SHISA6: variants seen among roughly 807,000 people sequenced by gnomAD.
SHISA6 encodes protein shisa-6.
Under a neutral mutation model 47.9 loss-of-function variants are expected in SHISA6, and 22 were observed. The observed-to-expected ratio is 0.46, with a 90% confidence interval of 0.33 to 0.66. The LOEUF is 0.66. SHISA6 is among the 30% of genes least tolerant of loss of function. The pLI, the probability that SHISA6 is intolerant of heterozygous loss-of-function variation, is 0.02. For missense variants in SHISA6, 680 were observed against 764.6 expected (o/e 0.89, Z 1.30); for synonymous variants, 388 against 337.8 (o/e 1.15, Z -1.63).
intron 3 of SHISA6, among the ~76,000 whole-genome samples, chr17:11,395,080 C>T (rs535968550): frequency 2.7e-4 from 40 of 146,598 alleles, no homozygotes; most frequent in African/African-American, 9.9e-4. Flanking sequence ...CGGCTCACTG[C>T]AAGCTCTGCC....
At chr17:11,331,962 G>C (rs754552136) in intron 2 of SHISA6, among the ~76,000 whole-genome samples, 21 of 151,868 alleles carry the variant, frequency 1.4e-4, no homozygotes, top group Non-Finnish European at 2.6e-4. Flanking sequence ...TCACACTGCC[G>C]GTGGAGCGGA....
At chr17:11,534,431 A>G (rs1260365924) in intron 3 of SHISA6, among the ~76,000 whole-genome samples, 1 of 152,122 alleles carries the variant, frequency 6.6e-6, no homozygotes, top group Non-Finnish European at 1.5e-5. Context: ...TATCCACTCA[A>G]TGGATGCATG....
At chr17:11,429,947 G>A (rs1178929638) in intron 3 of SHISA6, among the ~76,000 whole-genome samples, 2 of 151,764 alleles carry the variant, frequency 1.3e-5, no homozygotes, top group East Asian at 1.9e-4. Context: ...CATCAAGATA[G>A]TTACCTACAA....
chr17:11,340,521 C>T (rs1379457292), intron 2 of SHISA6, among the ~76,000 whole-genome samples: 8 of 152,220 alleles, frequency 5.3e-5, no homozygotes, highest in Admixed American at 4.6e-4. Flanking sequence ...ATTGCTTCTG[C>T]TCCATTCTGT....
At chr17:11,367,922 G>T (rs911954163) in intron 2 of SHISA6, among the ~76,000 whole-genome samples, 3 of 152,164 alleles carry the variant, frequency 2.0e-5, no homozygotes, top group Non-Finnish European at 4.4e-5. Context: ...TCTCTTAGGT[G>T]CTTGGGAAGA....
intron 3 of SHISA6, among the ~76,000 whole-genome samples, chr17:11,387,007 C>T (rs1049595717): frequency 6.6e-6 from 1 of 152,170 alleles, no homozygotes; most frequent in South Asian, 2.1e-4. Flanking sequence ...GCATTTTTCA[C>T]GATAACCTGC....
In SHISA6 at chr17:11,270,665, TA is replaced by T. The variant is rs1250928589; in HGVS notation, c.799+7143del. Among the ~76,000 whole-genome samples, 7 of 152,332 alleles carry T rather than the reference TA, an allele frequency of 4.6e-5. No individual in the cohort carries two copies. In the East Asian group the frequency reaches 1.4e-3, roughly 29 times the overall value. Reference sequence around the variant, plus strand: ...GTAAATGAATGGATGCGTGTTTTCATAAAATTTGGACATATGTTTCCATAAA... The same window carrying T: ...GTAAATGAATGGATGCGTGTTTTCATAAATTTGGACATATGTTTCCATAAA... On this transcript the variant is annotated intron_variant, in intron 2 of 5. Transcript: ENST00000441885.
rs1341116432 is a variant in SHISA6, at chr17:11,448,433, G to A, written c.895+68924G>A. ...CTGTAGTCCAAGCTATCAGGAGGCC[G>A]AAGTGGGAGAATGGCTTGAGCCCAA... On this transcript the variant is annotated intron_variant, in intron 3 of 5. Coordinates refer to ENST00000441885, the MANE Select transcript of SHISA6 (RefSeq NM_207386.4). 3.3e-5 allele frequency among the ~76,000 whole-genome samples: 5 copies of A among 151,636 alleles called. No homozygotes were observed. The South Asian group carries it at 6.3e-4, about 19-fold the overall frequency.
intron 2 of SHISA6, among the ~76,000 whole-genome samples, chr17:11,313,454 C>T (rs772185597): frequency 2.6e-4 from 40 of 152,236 alleles, no homozygotes; most frequent in Non-Finnish European, 4.6e-4. Context: ...AAGATGGATT[C>T]TTTTCTCTGT....
intron 3 of SHISA6, among the ~76,000 whole-genome samples, chr17:11,526,925 AT>A (rs1567629853): frequency 3.0e-4 from 8 of 26,552 alleles, no homozygotes; most frequent in African/African-American, 1.4e-3. Context: ...ATATATATAT[AT>A]ATATATATAT....
At chr17:11,311,869 G>A (rs946786206) in intron 2 of SHISA6, among the ~76,000 whole-genome samples, 6 of 151,964 alleles carry the variant, frequency 3.9e-5, no homozygotes, top group East Asian at 1.9e-4. Context: ...TCCGTCTGCC[G>A]GGTTCAAGCG....
At chr17:11,531,211 C>G (rs957019383) in intron 3 of SHISA6, among the ~76,000 whole-genome samples, 8 of 133,976 alleles carry the variant, frequency 6.0e-5, no homozygotes, top group Admixed American at 3.0e-4. Context: ...GGTTACTACT[C>G]TGTGTGTGTG....
intron 2 of SHISA6, among the ~76,000 whole-genome samples, chr17:11,326,146 C>G (rs897379078): frequency 6.6e-6 from 1 of 152,172 alleles, no homozygotes; most frequent in African/African-American, 2.4e-5. Context: ...TGGCATGCAC[C>G]TGTAGTCCCA....
chr17:11,341,464 T>C (rs937215828), intron 2 of SHISA6, among the ~76,000 whole-genome samples: 49 of 151,582 alleles, frequency 3.2e-4, no homozygotes, highest in African/African-American at 1.2e-3. Flanking sequence ...CCTCCTGAGT[T>C]GGTGGGATTA....
At chr17:11,483,159 G>A (rs1459708044) in intron 3 of SHISA6, among the ~76,000 whole-genome samples, 2 of 152,052 alleles carry the variant, frequency 1.3e-5, no homozygotes, top group African/African-American at 4.8e-5. Context: ...AAATTAGCTG[G>A]GTGTGGTGGC....
At chr17:11,295,498 A>G (rs768773088) in intron 2 of SHISA6, among the ~76,000 whole-genome samples, 2 of 152,204 alleles carry the variant, frequency 1.3e-5, no homozygotes, top group Non-Finnish European at 1.5e-5. Context: ...TGTAAGCTCT[A>G]TAAAGGAAAT....
intron 3 of SHISA6, among the ~76,000 whole-genome samples, chr17:11,435,241 T>A (rs1376472554): frequency 6.6e-6 from 1 of 152,172 alleles, no homozygotes; most frequent in East Asian, 1.9e-4. Context: ...ACTTAAAGAT[T>A]ATTAACTTTT....
At chr17:11,399,014 G>C (rs949826787) in intron 3 of SHISA6, among the ~76,000 whole-genome samples, 1 of 151,874 alleles carries the variant, frequency 6.6e-6, no homozygotes, top group Admixed American at 6.6e-5. Flanking sequence ...GGAGTGGAAA[G>C]ATCACTTGCT....
chr17:11,392,642 C>T (rs552293518), intron 3 of SHISA6, among the ~76,000 whole-genome samples: 2 of 152,292 alleles, frequency 1.3e-5, no homozygotes, highest in East Asian at 1.9e-4. Flanking sequence ...CCACCAGAAT[C>T]GTGAGCGAAA....
Sources: gnomAD v4.1 joint callset for allele counts (sites outside exome capture counted in the v4.1 genomes callset) on GRCh38, gnomAD v4.1.1 for gene constraint, MANE v1.5 for transcripts, NCBI Gene and HGNC (gene_info 2026-07-23, HGNC 2026-07-21) for gene names.